Variants in WDFY3 observed in about 807,000 individuals in gnomAD.
The protein encoded by WDFY3 is WD repeat and FYVE domain containing 3, also known as WD repeat and FYVE domain-containing protein 3.
WDFY3 carries 66 observed loss-of-function variants against 409.6 expected under a neutral mutation model. The ratio of observed to expected loss-of-function variants is 0.16; its 90% CI spans 0.13 to 0.20. The LOEUF (loss-of-function observed/expected upper bound fraction) is 0.20, where lower values mean the gene tolerates loss of function less well. WDFY3 is among the 10% of genes least tolerant of loss of function. The pLI, the probability that WDFY3 is intolerant of heterozygous loss-of-function variation, is 1.00. For synonymous variants in WDFY3, 1,521 were observed against 1,537.1 expected (o/e 0.99, Z 0.25); for missense variants, 3,031 against 4,298.1 (o/e 0.71, Z 8.24).
chr4:84,790,547 C>T (rs543545739), intron 21 of WDFY3, among the ~76,000 whole-genome samples: 1 of 151,886 alleles, frequency 6.6e-6, no homozygotes, highest in African/African-American at 2.4e-5. Flanking sequence ...AATAAAGAGA[C>T]AATAACGTTA....
intron 36 of WDFY3, among the ~76,000 whole-genome samples, chr4:84,744,716 A>G (rs1739072043): frequency 6.7e-6 from 1 of 149,768 alleles, no homozygotes; most frequent in African/African-American, 2.4e-5. Flanking sequence ...AGCCGGGCGT[A>G]GTGGCGGGCG....
chr4:84,702,793 G>A (rs973801650), intron 55 of WDFY3, among the ~76,000 whole-genome samples: 1 of 152,218 alleles, frequency 6.6e-6, no homozygotes, highest in African/African-American at 2.4e-5. Flanking sequence ...GAGAGGACAA[G>A]GCTGTAAGAA....
chr4:84,859,691 T>C (rs1441826944), intron 4 of WDFY3, among the ~76,000 whole-genome samples: 1 of 152,208 alleles, frequency 6.6e-6, no homozygotes, highest in Non-Finnish European at 1.5e-5. Context: ...TTCTCCTGCC[T>C]CAGCCTCCCG....
chr4:84,956,663 T>G (rs553234564), intron 1 of WDFY3, among the ~76,000 whole-genome samples: 41 of 152,202 alleles, frequency 2.7e-4, no homozygotes, highest in Admixed American at 8.5e-4. Flanking sequence ...TGTACCTAGT[T>G]GATACAAAGT....
intron 3 of WDFY3, among the ~76,000 whole-genome samples, chr4:84,888,893 C>T (rs1375827067): frequency 6.6e-6 from 1 of 151,598 alleles, no homozygotes; most frequent in Non-Finnish European, 1.5e-5. Context: ...CAGCACTGTG[C>T]TTAGGCCACA....
intron 2 of WDFY3, among the ~76,000 whole-genome samples, chr4:84,906,156 T>C (rs1447467293): frequency 6.6e-6 from 1 of 152,180 alleles, no homozygotes; most frequent in African/African-American, 2.4e-5. Context: ...AATGAGCAAG[T>C]TAGGAATATT....
At chr4:84,740,142 A>T in intron 39 of WDFY3, 45 bp downstream of exon 39, 1 of 1,598,562 alleles carries the variant, frequency 6.3e-7, no homozygotes, top group Non-Finnish European at 8.6e-7. Context: ...TTGGAATAAC[A>T]TCAAAGCCAA....
At chr4:84,921,277 A>G (rs1561080267) in intron 2 of WDFY3, among the ~76,000 whole-genome samples, 1 of 152,138 alleles carries the variant, frequency 6.6e-6, no homozygotes, top group Non-Finnish European at 1.5e-5. Flanking sequence ...GAACCCTGGA[A>G]GAAGGAAAGG....
chr4:84,816,679 C>T (rs1427340633), intron 13 of WDFY3, among the ~76,000 whole-genome samples: 1 of 152,004 alleles, frequency 6.6e-6, no homozygotes, highest in Non-Finnish European at 1.5e-5. Context: ...GTGAAACATT[C>T]GATTATAGTT....
In WDFY3 at chr4:84,809,918, G is replaced by C; in HGVS notation, c.2314C>G (p.Leu772Val). ...LRHCSKLFIY[L>V]YKVATDSFDS... ...AAAGAATCTGTGGCTACTTTGTAAA[G>C]ATAAATAAAAAGTTTACTGCAGTGC... Residue 772 changes from leucine to valine, a missense_variant, in exon 14 of 68, where the codon CTT becomes GTT. By Grantham distance (32) the Leu-to-Val change is conservative. Coordinates refer to ENST00000295888, the MANE Select transcript of WDFY3 (RefSeq NM_014991.6). 1.2e-6 allele frequency: 2 copies of C among 1,614,014 alleles called. No individual in the cohort carries two copies. The highest frequency in any genetic ancestry group is 1.7e-6 in the Non-Finnish European group (2 of 1,179,956).
chr4:84,739,177 G>T lies in WDFY3; in HGVS notation c.6465-58C>A. 4 of 1,511,632 alleles carry T rather than the reference G, an allele frequency of 2.6e-6. No individual in the cohort carries two copies. In the South Asian group the frequency reaches 3.4e-5, roughly 13 times the overall value. 93.6% of individuals were successfully genotyped at this position (1,511,632 alleles called of 1,614,324 possible). On this transcript the variant is annotated intron_variant, in intron 39 of 67. Coordinates refer to ENST00000295888, the MANE Select transcript of WDFY3 (RefSeq NM_014991.6). ...AGGAAATGATTAGCTGAAGACTACA[G>T]TAACTAAGAATTACTCTATTTCCAT...
intron 1 of WDFY3, among the ~76,000 whole-genome samples, chr4:84,936,859 A>G (rs1180703465): frequency 2.0e-5 from 3 of 151,986 alleles, no homozygotes; most frequent in African/African-American, 7.3e-5. Context: ...TCACATCAAA[A>G]TCTAACCCCT....
intron 21 of WDFY3, among the ~76,000 whole-genome samples, chr4:84,793,431 A>G (rs1400079167): frequency 6.6e-6 from 1 of 152,244 alleles, no homozygotes; most frequent in African/African-American, 2.4e-5. Context: ...CAAATGAAAA[A>G]AAAACTTTGA....
intron 4 of WDFY3, among the ~76,000 whole-genome samples, chr4:84,860,157 T>A (rs1273884811): frequency 2.6e-5 from 4 of 152,288 alleles, no homozygotes; most frequent in South Asian, 2.1e-4. Context: ...AACAGGGCCA[T>A]TTTAGACAAT....
intron 2 of WDFY3, among the ~76,000 whole-genome samples, chr4:84,907,186 T>C (rs1447429759): frequency 6.6e-6 from 1 of 152,170 alleles, no homozygotes; most frequent in African/African-American, 2.4e-5. Flanking sequence ...GTTATAAATA[T>C]ATCCACGAAT....
intron 22 of WDFY3, 82 bp from the exon 23 acceptor site, chr4:84,787,795 T>C: frequency 8.1e-7 from 1 of 1,229,292 alleles, no homozygotes; most frequent in Non-Finnish European, 1.1e-6. Context: ...GTATTTTCAT[T>C]ATCCCAAGGT....
chr4:84,884,405 T>C (rs1763919524), intron 3 of WDFY3, among the ~76,000 whole-genome samples: 1 of 152,074 alleles, frequency 6.6e-6, no homozygotes, highest in African/African-American at 2.4e-5. Flanking sequence ...ACTTGTACTC[T>C]CAGACTTCAG....
chr4:84,888,502 T>G (rs1191488191), intron 3 of WDFY3, among the ~76,000 whole-genome samples: 1 of 152,222 alleles, frequency 6.6e-6, no homozygotes, highest in Non-Finnish European at 1.5e-5. Context: ...CTTATTCTTC[T>G]GTGAATAAAA....
At chr4:84,716,866 T>C in intron 49 of WDFY3, 30 bp downstream of exon 49, 2 of 1,478,528 alleles carry the variant, frequency 1.4e-6, no homozygotes, top group South Asian at 1.5e-5. Flanking sequence ...TAAAGAAACA[T>C]GATAAAACAG....
Sources: gnomAD v4.1 joint callset for allele counts (sites outside exome capture counted in the v4.1 genomes callset) on GRCh38, gnomAD v4.1.1 for gene constraint, MANE v1.5 for transcripts, NCBI Gene and HGNC (gene_info 2026-07-23, HGNC 2026-07-21) for gene names.